The following GABRA3 variants were observed in gnomAD, a reference collection of about 807,000 sequenced individuals.
The protein encoded by GABRA3 is gamma-aminobutyric acid type A receptor subunit alpha3, also known as gamma-aminobutyric acid receptor subunit alpha-3.
Under a neutral mutation model 30.1 loss-of-function variants are expected in GABRA3, and 10 were observed. That is an observed-to-expected ratio of 0.33 (90% CI 0.20 to 0.56). The LOEUF (loss-of-function observed/expected upper bound fraction) is 0.56. Ranked by LOEUF, GABRA3 falls within the 20% of genes least tolerant of loss-of-function variation. GABRA3 has a pLI of 0.89. For synonymous variants in GABRA3, 151 were observed against 146.8 expected (o/e 1.03, Z -0.21); for missense variants, 233 against 392.0 (o/e 0.59, Z 3.42).
intron 5 of GABRA3, among the ~76,000 whole-genome samples, chrX:152,255,169 T>G (rs1284640323): frequency 2.7e-5 from 3 of 111,724 alleles, no homozygotes; most frequent in African/African-American, 9.7e-5. Flanking sequence ...ACACCATGTA[T>G]AGATAGATAG....
At chrX:152,429,489 ACTC>A (rs771557492) in intron 1 of GABRA3, among the ~76,000 whole-genome samples, 29 of 110,858 alleles carry the variant, frequency 2.6e-4, no homozygotes, top group Non-Finnish European at 4.3e-4. Flanking sequence ...GAAAGACTAA[ACTC>A]CTGAATTTGA....
intron 3 of GABRA3, among the ~76,000 whole-genome samples, chrX:152,323,682 G>A (rs1191745420): frequency 8.9e-6 from 1 of 112,007 alleles, no homozygotes; most frequent in Non-Finnish European, 1.9e-5. Flanking sequence ...CTTTTGTAAT[G>A]AGAGGATTAA....
At chrX:152,383,822 T>C (rs1211522080) in intron 1 of GABRA3, among the ~76,000 whole-genome samples, 1 of 110,202 alleles carries the variant, frequency 9.1e-6, no homozygotes, top group Non-Finnish European at 1.9e-5. Context: ...CCCTTGCCAC[T>C]TCTTTTCAGC....
chrX:152,381,083 C>T (rs1053125553), intron 1 of GABRA3, among the ~76,000 whole-genome samples: 1 of 111,536 alleles, frequency 9.0e-6, no homozygotes, highest in Non-Finnish European at 1.9e-5. Flanking sequence ...TTGCACATGC[C>T]GGCTTCCCCT....
At chrX:152,256,309 G>C (rs1938636110) in intron 4 of GABRA3, among the ~76,000 whole-genome samples, 1 of 111,096 alleles carries the variant, frequency 9.0e-6, no homozygotes, top group East Asian at 2.9e-4. Context: ...CCTCCTGTAT[G>C]CAGTGACACC....
intron 3 of GABRA3, among the ~76,000 whole-genome samples, chrX:152,336,845 C>T (rs1940241674): frequency 2.7e-5 from 3 of 110,816 alleles, no homozygotes; most frequent in Non-Finnish European, 3.8e-5. Context: ...CAAGTGGTCC[C>T]CCAATTCTAT....
chrX:152,346,302 C>A (rs894566207), intron 2 of GABRA3, among the ~76,000 whole-genome samples: 1 of 111,528 alleles, frequency 9.0e-6, no homozygotes, highest in Non-Finnish European at 1.9e-5. Context: ...AAGACTGAAA[C>A]TAGACCCCTA....
At chrX:152,343,138 A>C (rs897973246) in intron 3 of GABRA3, among the ~76,000 whole-genome samples, 1 of 110,976 alleles carries the variant, frequency 9.0e-6, no homozygotes, top group Non-Finnish European at 1.9e-5. Context: ...TGCCTTATGA[A>C]TTAATAACCT....
intron 1 of GABRA3, among the ~76,000 whole-genome samples, chrX:152,401,547 A>G (rs1929796974): frequency 8.9e-6 from 1 of 111,735 alleles, no homozygotes; most frequent in Non-Finnish European, 1.9e-5. Context: ...TCACAAACCA[A>G]TTACTAATAA....
At chrX:152,334,241 A>T (rs763207195) in intron 3 of GABRA3, among the ~76,000 whole-genome samples, 65 of 111,628 alleles carry the variant, frequency 5.8e-4, no homozygotes, top group African/African-American at 2.0e-3. Flanking sequence ...TCTAGGAAAA[A>T]CCTACACCTA....
intron 1 of GABRA3, among the ~76,000 whole-genome samples, chrX:152,391,829 CCAGA>C (rs1188589858): frequency 9.0e-6 from 1 of 111,433 alleles, no homozygotes; most frequent in East Asian, 2.8e-4. Flanking sequence ...AGGTACACAA[CCAGA>C]CATTCTCAGA....
intron 6 of GABRA3, among the ~76,000 whole-genome samples, chrX:152,217,577 A>C (rs1049441819): frequency 9.0e-6 from 1 of 111,519 alleles, no homozygotes; most frequent in Non-Finnish European, 1.9e-5. Context: ...GTACAATTCA[A>C]TGGTGAAGCC....
rs954655740 is a variant in GABRA3 at position 152,221,345 on chromosome X, G to A, written c.634+3418C>T. Among the ~76,000 whole-genome samples the A allele has an allele frequency of 3.3e-4, 36 of 110,177 alleles. 1 individual carries two copies. The highest frequency in any genetic ancestry group is 7.7e-4 in the Admixed American group (8 of 10,327). On this transcript the variant is annotated intron_variant, in intron 6 of 9. Transcript: ENST00000370314. Reference sequence around the variant, plus strand: ...CTCTCTCTCTGTCTCTCTCTCTCTCGTTCTCTCTCTCTCTTCTATTCTGTT... The same window carrying A: ...CTCTCTCTCTGTCTCTCTCTCTCTCATTCTCTCTCTCTCTTCTATTCTGTT...
chrX:152,426,891 G>C (rs1399615817), intron 1 of GABRA3, among the ~76,000 whole-genome samples: 1 of 112,176 alleles, frequency 8.9e-6, no homozygotes, highest in East Asian at 2.8e-4. Context: ...ACAATGATAT[G>C]TCATTGATAG....
chrX:152,218,713 C>T (rs190173945), intron 6 of GABRA3, among the ~76,000 whole-genome samples: 4 of 111,144 alleles, frequency 3.6e-5, no homozygotes. Context: ...ATGACAAAAT[C>T]TTCAAGGCTT....
At chrX:152,344,162 C>A (rs943542703) in intron 3 of GABRA3, among the ~76,000 whole-genome samples, 1 of 110,845 alleles carries the variant, frequency 9.0e-6, no homozygotes, top group Admixed American at 9.7e-5. Context: ...TATGAAAGTA[C>A]AAAATAAGTC....
chrX:152,278,741 T>A (rs1010602980), intron 4 of GABRA3, among the ~76,000 whole-genome samples: 2 of 111,909 alleles, frequency 1.8e-5, no homozygotes, highest in African/African-American at 6.5e-5. Flanking sequence ...GTAAAAGTGT[T>A]CCTATTTCTC....
intron 1 of GABRA3, among the ~76,000 whole-genome samples, chrX:152,425,573 G>T (rs1294915785): frequency 9.0e-6 from 1 of 111,632 alleles, no homozygotes; most frequent in Non-Finnish European, 1.9e-5. Context: ...GTTTTCTCAT[G>T]ATTAAACTAG....
chrX:152,288,946 C>A (rs766876238), intron 3 of GABRA3, among the ~76,000 whole-genome samples: 1 of 110,764 alleles, frequency 9.0e-6, no homozygotes, highest in East Asian at 2.9e-4. Context: ...TGCAAATTTA[C>A]TGCAGTATTG....
Sources: gnomAD v4.1 joint callset for allele counts (sites outside exome capture counted in the v4.1 genomes callset) on GRCh38, gnomAD v4.1.1 for gene constraint, MANE v1.5 for transcripts, NCBI Gene and HGNC (gene_info 2026-07-23, HGNC 2026-07-21) for gene names.